MAP2K6: variants seen among roughly 807,000 people sequenced by gnomAD.
MAP2K6 encodes mitogen-activated protein kinase kinase 6, also known as dual specificity mitogen-activated protein kinase kinase 6.
Under a neutral mutation model 53.7 loss-of-function variants are expected in MAP2K6, and 16 were observed. The ratio of observed to expected loss-of-function variants is 0.30; its 90% CI spans 0.20 to 0.45. The LOEUF (loss-of-function observed/expected upper bound fraction) is 0.45, where lower values mean the gene tolerates loss of function less well. Ranked by LOEUF, MAP2K6 falls within the 20% of genes least tolerant of loss-of-function variation. The pLI, the probability that MAP2K6 is intolerant of heterozygous loss-of-function variation, is 1.00. For missense variants in MAP2K6, 204 were observed against 411.9 expected, an observed-to-expected ratio of 0.50 and a Z score of 4.37; for synonymous variants, 132 against 143.1, an observed-to-expected ratio of 0.92 and a Z score of 0.55.
At chr17:69,437,834 T>A (rs1254211122) in intron 1 of MAP2K6, among the ~76,000 whole-genome samples, 1 of 152,272 alleles carries the variant, frequency 6.6e-6, no homozygotes, top group Non-Finnish European at 1.5e-5. Context: ...TTATACAATG[T>A]ATGGCCTTTT....
rs1912131343 is a variant in MAP2K6, at chr17:69,552,311, T to C, written c.*10558T>C. On this transcript the variant is annotated 3_prime_UTR_variant, in exon 12 of 12. Transcript: ENST00000590474. ...ATCGGAGAGGTCCTATGCACCCCTG[T>C]CTTTCAAAACCCACCTCCAGCACTT... The C allele has an allele frequency of 6.6e-6, 1 of 152,242 alleles. No homozygotes were observed. Among genetic ancestry groups the C allele is most frequent in the South Asian group, 2.1e-4 (1 of 4,832 alleles). The allele number at this position is 152,242 out of a possible 1,614,324, so 9.4% of individuals were successfully genotyped here.
At chr17:69,465,615 G>GT (rs1459530286) in intron 1 of MAP2K6, among the ~76,000 whole-genome samples, 1 of 116,732 alleles carries the variant, frequency 8.6e-6, no homozygotes, top group Non-Finnish European at 1.7e-5. Context: ...GTGATGTTTT[G>GT]TTTTTTTCTT....
chr17:69,488,871 C>T (rs757274445), intron 1 of MAP2K6, among the ~76,000 whole-genome samples: 1 of 152,050 alleles, frequency 6.6e-6, no homozygotes, highest in Non-Finnish European at 1.5e-5. Flanking sequence ...AAAATATACC[C>T]ATGTAACAAA....
intron 1 of MAP2K6, chr17:69,485,356 A>G (rs1908493384): frequency 2.8e-6 from 1 of 360,472 alleles, no homozygotes; most frequent in South Asian, 1.1e-4. Context: ...AGGCCTTTAG[A>G]AGAAAGAAGG....
chr17:69,422,099 A>G (rs1906102579), intron 1 of MAP2K6, among the ~76,000 whole-genome samples: 1 of 149,496 alleles, frequency 6.7e-6, no homozygotes. Context: ...TCCCCATACA[A>G]TGAAGTCTAT....
intron 1 of MAP2K6, among the ~76,000 whole-genome samples, chr17:69,463,327 ATAG>A (rs201664333): frequency 0.012 from 1,784 of 150,062 alleles, 42 homozygotes; most frequent in African/African-American, 0.041. Flanking sequence ...TCACTATATA[ATAG>A]TGAATATATG....
chr17:69,442,362 G>A (rs184443844), intron 1 of MAP2K6, among the ~76,000 whole-genome samples: 29 of 152,082 alleles, frequency 1.9e-4, no homozygotes, highest in African/African-American at 5.3e-4. Context: ...CCTAGATCTT[G>A]CCTCTCCTTG....
chr17:69,538,266 A>T (rs1911450810), intron 11 of MAP2K6, among the ~76,000 whole-genome samples: 1 of 152,250 alleles, frequency 6.6e-6, no homozygotes, highest in Non-Finnish European at 1.5e-5. Context: ...TCGGATCAGA[A>T]ATTTCACTGA....
At chr17:69,488,193 C>T (rs1908616539) in intron 1 of MAP2K6, among the ~76,000 whole-genome samples, 1 of 152,172 alleles carries the variant, frequency 6.6e-6, no homozygotes, top group South Asian at 2.1e-4. Context: ...AAATGCTCCA[C>T]ATCACTAATC....
At chr17:69,451,231 C>G (rs1448546048) in intron 1 of MAP2K6, among the ~76,000 whole-genome samples, 1 of 152,120 alleles carries the variant, frequency 6.6e-6, no homozygotes, top group Non-Finnish European at 1.5e-5. Context: ...TATTAAATAG[C>G]CAGTCATTTT....
rs183786952 is a variant in MAP2K6, at chr17:69,488,147, C to T, written c.17-17633C>T. On this transcript the variant is annotated intron_variant, in intron 1 of 11. Coordinates refer to ENST00000590474, the MANE Select transcript of MAP2K6 (RefSeq NM_002758.4). ...ACCTCATTAAAAAGTGGGCAAAAGA[C>T]ATGAACAGACACTTCTCAAAAGAAG... Among the ~76,000 whole-genome samples, 157 of 152,238 alleles carry T rather than the reference C, an allele frequency of 1.0e-3. 1 individual carries two copies. The highest frequency in any genetic ancestry group is 3.6e-3 in the African/African-American group (151 of 41,546).
chr17:69,498,650 CCACA>C lies in MAP2K6; in HGVS notation c.17-7098_17-7095del, dbSNP rs3222089. Among the ~76,000 whole-genome samples, 339 of 145,508 alleles carry C rather than the reference CCACA, an allele frequency of 2.3e-3. 3 individuals are homozygous for C. The highest frequency in any genetic ancestry group is 0.014 in the Middle Eastern group (4 of 286). On this transcript the variant is annotated intron_variant, in intron 1 of 11. Coordinates refer to ENST00000590474, the MANE Select transcript of MAP2K6 (RefSeq NM_002758.4). ...GAAGCCACACACACACACCTGGAAG[CCACA>C]CACACACACACACACACACACACAC... is the stretch of plus-strand genomic sequence containing the variant.
intron 8 of MAP2K6, 95 bp downstream of exon 8, chr17:69,523,736 A>G: frequency 6.6e-7 from 1 of 1,504,850 alleles, no homozygotes; most frequent in South Asian, 1.2e-5. Context: ...GAAAATGGAA[A>G]TGTACCTAAG....
chr17:69,518,542 G>A (rs945573781), intron 4 of MAP2K6, among the ~76,000 whole-genome samples: 1 of 152,184 alleles, frequency 6.6e-6, no homozygotes, highest in Non-Finnish European at 1.5e-5. Flanking sequence ...ATATTATTGA[G>A]TAGGTGTTTG....
Position 69,550,678 on chromosome 17 carries a change from CT to C in MAP2K6, c.*8926del. ...TTTCAGACCATATTCAGTGGTGCCC[CT>C]GAGGGTCTCTTGTGAACAGAAGGGA... On this transcript the variant is annotated 3_prime_UTR_variant, in exon 12 of 12. Transcript: ENST00000590474. 6.6e-6 allele frequency: 1 copy of C among 152,204 alleles called. No individual in the cohort carries two copies. Among genetic ancestry groups the C allele is most frequent in the African/African-American group, 2.4e-5 (1 of 41,522 alleles). The allele number at this position is 152,204 out of a possible 1,614,324, so 9.4% of individuals were successfully genotyped here. A position where few individuals can be genotyped will look rare whatever the true frequency, so the allele number is the denominator to read the frequency against.
At chr17:69,454,890 G>A (rs1033961160) in intron 1 of MAP2K6, among the ~76,000 whole-genome samples, 2 of 152,142 alleles carry the variant, frequency 1.3e-5, no homozygotes, top group Admixed American at 1.3e-4. Context: ...ATGGCATTTT[G>A]CTTACAAACA....
rs978809569 is a variant in MAP2K6, at chr17:69,547,524, A to G, written c.*5771A>G. On this transcript the variant is annotated 3_prime_UTR_variant, in exon 12 of 12. Coordinates refer to ENST00000590474, the MANE Select transcript of MAP2K6 (RefSeq NM_002758.4). ...CAACACCAGTCTTAGAGCATTAAAT[A>G]TAAAACTCTGATTAACTAGATATGT... The G allele has an allele frequency of 1.3e-5, 2 of 152,284 alleles. No homozygotes were observed. The highest frequency in any genetic ancestry group is 4.8e-5 in the African/African-American group (2 of 41,486). The allele number at this position is 152,284 out of a possible 1,614,324, so 9.4% of individuals were successfully genotyped here. A position where few individuals can be genotyped will look rare whatever the true frequency, so the allele number is the denominator to read the frequency against.
chr17:69,423,194 GT>G (rs1413076185), intron 1 of MAP2K6, among the ~76,000 whole-genome samples: 1 of 152,092 alleles, frequency 6.6e-6, no homozygotes, highest in Non-Finnish European at 1.5e-5. Context: ...AGCCTCAGCT[GT>G]TTTTAAGTAT....
At chr17:69,447,838 C>T (rs1034277286) in intron 1 of MAP2K6, among the ~76,000 whole-genome samples, 1 of 152,162 alleles carries the variant, frequency 6.6e-6, no homozygotes. Context: ...AGCTGAGGGA[C>T]GCTTATTCCT....
Sources: allele counts gnomAD v4.1 joint callset (sites outside exome capture counted in the v4.1 genomes callset), GRCh38; gene constraint gnomAD v4.1.1; transcripts MANE v1.5; gene names NCBI Gene and HGNC (gene_info 2026-07-23, HGNC 2026-07-21).